PDSS2: variants seen among roughly 807,000 people sequenced by gnomAD.
PDSS2 encodes all trans-polyprenyl-diphosphate synthase PDSS2.
A neutral mutation model predicts 44.5 loss-of-function variants in PDSS2; 31 were observed. The ratio of observed to expected loss-of-function variants is 0.70; its 90% confidence interval spans 0.52 to 0.94. The LOEUF is 0.94. PDSS2 is among the 40% of genes least tolerant of loss of function. The probability of loss-of-function intolerance (pLI) is 0.00; values close to 1 mark genes in which losing one functional copy is unlikely to be tolerated. For synonymous variants in PDSS2, 157 were observed against 180.3 expected (o/e 0.87, Z 1.03); for missense variants, 452 against 482.2 (o/e 0.94, Z 0.59).
At chr6:107,225,137 T>TATATATATATATATATA in intron 4 of PDSS2, among the ~76,000 whole-genome samples, 1 of 62,392 alleles carries the variant, frequency 1.6e-5, no homozygotes, top group African/African-American at 9.6e-5. Flanking sequence ...ATATATATTT[T>TATATATATATATATATA]TATATATATA....
At chr6:107,161,435 G>T (rs1475707646) in intron 7 of PDSS2, among the ~76,000 whole-genome samples, 1 of 149,338 alleles carries the variant, frequency 6.7e-6, no homozygotes, top group Non-Finnish European at 1.5e-5. Context: ...AGCCGAGATT[G>T]TGCCACTGCA....
intron 3 of PDSS2, among the ~76,000 whole-genome samples, chr6:107,262,964 A>C (rs1775292522): frequency 6.6e-6 from 1 of 152,078 alleles, no homozygotes. Flanking sequence ...TAATTAAAAA[A>C]ATAAAAAAGG....
intron 3 of PDSS2, among the ~76,000 whole-genome samples, chr6:107,253,279 C>T (rs143758177): frequency 0.014 from 2,134 of 152,196 alleles, 53 homozygotes; most frequent in African/African-American, 0.049. Flanking sequence ...TCTCATGATC[C>T]GCCCGCCTCG....
intron 1 of PDSS2, among the ~76,000 whole-genome samples, chr6:107,449,023 G>C (rs1225330171): frequency 6.6e-6 from 1 of 152,200 alleles, no homozygotes; most frequent in Non-Finnish European, 1.5e-5. Flanking sequence ...TACAATTCAA[G>C]AGGAGATTTG....
rs1582953677 is a variant in PDSS2, at chr6:107,333,913, A to G, written c.431+285T>C. ...GCACAGAGGTCTCTACAGAGACACA[A>G]CAATACATAATAAGGGGAGGGAGAA... On this transcript the variant is annotated intron_variant, in intron 2 of 7. Coordinates refer to ENST00000369037, the MANE Select transcript of PDSS2 (RefSeq NM_020381.4). Among the ~76,000 whole-genome samples the G allele has an allele frequency of 2.0e-5, 3 of 152,278 alleles. No individual in the cohort carries two copies. The East Asian group carries it at 5.8e-4, about 29-fold the overall frequency.
intron 1 of PDSS2, among the ~76,000 whole-genome samples, chr6:107,396,611 G>A (rs1779947397): frequency 6.6e-6 from 1 of 150,784 alleles, no homozygotes; most frequent in African/African-American, 2.4e-5. Context: ...TAAAATAACT[G>A]TAGAGACTAC....
At chr6:107,335,964 T>C (rs1777873865) in intron 1 of PDSS2, among the ~76,000 whole-genome samples, 1 of 128,948 alleles carries the variant, frequency 7.8e-6, no homozygotes, top group Non-Finnish European at 1.6e-5. Flanking sequence ...AATTAGTCCA[T>C]TACTTAAGAA....
chr6:107,354,026 C>T (rs563866834), intron 1 of PDSS2, among the ~76,000 whole-genome samples: 13 of 152,206 alleles, frequency 8.5e-5, no homozygotes, highest in South Asian at 8.3e-4. Flanking sequence ...AAACTACTAT[C>T]GTACTGTATT....
chr6:107,195,902 G>T (rs1031354478), intron 6 of PDSS2, among the ~76,000 whole-genome samples: 3 of 152,116 alleles, frequency 2.0e-5, no homozygotes, highest in Non-Finnish European at 2.9e-5. Context: ...ATAAAACACT[G>T]TTCATGCACA....
chr6:107,255,097 C>T (rs1039018740), intron 3 of PDSS2, among the ~76,000 whole-genome samples: 2 of 151,964 alleles, frequency 1.3e-5, no homozygotes, highest in Non-Finnish European at 2.9e-5. Flanking sequence ...TCTCGAACTC[C>T]TGACTTTGTA....
At chr6:107,389,639 T>G (rs1051044649) in intron 1 of PDSS2, among the ~76,000 whole-genome samples, 2 of 152,166 alleles carry the variant, frequency 1.3e-5, no homozygotes, top group African/African-American at 4.8e-5. Flanking sequence ...CAATATGAAT[T>G]CATGTTTAAC....
chr6:107,359,527 G>A (rs1183914927), intron 1 of PDSS2, among the ~76,000 whole-genome samples: 2 of 151,618 alleles, frequency 1.3e-5, no homozygotes, highest in African/African-American at 4.8e-5. Context: ...GGAAGGCTGA[G>A]GCATGAGAAT....
intron 3 of PDSS2, among the ~76,000 whole-genome samples, chr6:107,252,465 C>T (rs1037117683): frequency 2.0e-5 from 3 of 151,970 alleles, no homozygotes; most frequent in East Asian, 3.9e-4. Flanking sequence ...AAGGGGGTAG[C>T]GAAGAGAGAG....
chr6:107,290,547 C>A (rs1776309684), intron 2 of PDSS2, among the ~76,000 whole-genome samples: 1 of 152,280 alleles, frequency 6.6e-6, no homozygotes, highest in Admixed American at 6.5e-5. Flanking sequence ...TCTCTGACTT[C>A]ATTCCCTTTG....
rs1554262539 is a variant in PDSS2 at position 107,286,136 on chromosome 6, T to TAAAAAAAAAAAA, written c.432-11921_432-11910dup. ...CAAGGAGCAAAACTTCGTCGCAAAA[T>TAAAAAAAAAAAA]AAAAAAAAAAAAAAGGAAAGAAAAG... On this transcript the variant is annotated intron_variant, in intron 2 of 7. Coordinates refer to ENST00000369037, the MANE Select transcript of PDSS2 (RefSeq NM_020381.4). 6.1e-3 allele frequency among the ~76,000 whole-genome samples: 780 copies of TAAAAAAAAAAAA among 128,472 alleles called. 49 individuals carry two copies. The East Asian group carries it at 0.11, about 18-fold the overall frequency. The allele number at this position is 128,472 out of a possible 152,430, so 84.3% of individuals were successfully genotyped here.
intron 1 of PDSS2, among the ~76,000 whole-genome samples, chr6:107,345,991 C>T (rs947259911): frequency 8.5e-5 from 13 of 152,164 alleles, no homozygotes; most frequent in Non-Finnish European, 1.5e-4. Context: ...ATGTGCCACC[C>T]AATTAACATT....
At position 107,226,826 on chromosome 6, in the gene PDSS2, T is replaced by C. The variant is rs536631220; in HGVS notation, c.703-14544A>G. The stretch of plus-strand genomic sequence containing the variant: ...CTGGGATTACAGGTGTGTGCCACCA[T>C]GCCTAGCTAATTTTTTCTGTATTTT... On this transcript the variant is annotated intron_variant, in intron 4 of 7. Transcript: ENST00000369037. 1.0e-4 allele frequency among the ~76,000 whole-genome samples: 14 copies of C among 136,288 alleles called. No homozygotes were observed. In the South Asian group the frequency reaches 3.1e-3, roughly 30 times the overall value. 89.4% of individuals were successfully genotyped at this position (136,288 alleles called of 152,430 possible).
intron 1 of PDSS2, among the ~76,000 whole-genome samples, chr6:107,362,187 CAG>C (rs1778801013): frequency 6.6e-6 from 1 of 152,128 alleles, no homozygotes; most frequent in South Asian, 2.1e-4. Context: ...TGCATTGCCA[CAG>C]AGACCAGAGA....
chr6:107,282,891 AT>A lies in PDSS2; in HGVS notation c.432-8665del, dbSNP rs909666228. ...CTCAAAAAAAAAAAAAAAAAGAAGA[AT>A]TTTTTTTTTTTGTAGAGACAGGGGT... On this transcript the variant is annotated intron_variant, in intron 2 of 7. Coordinates refer to ENST00000369037, the MANE Select transcript of PDSS2 (RefSeq NM_020381.4). Among the ~76,000 whole-genome samples, 1,515 of 143,358 alleles carry A rather than the reference AT, an allele frequency of 0.011. 88 individuals carry two copies. The East Asian group carries it at 0.17, about 16-fold the overall frequency. 94.0% of individuals were successfully genotyped at this position (143,358 alleles called of 152,430 possible).
Sources: allele counts gnomAD v4.1 joint callset (sites outside exome capture counted in the v4.1 genomes callset), GRCh38; gene constraint gnomAD v4.1.1; transcripts MANE v1.5; gene names NCBI Gene and HGNC (gene_info 2026-07-23, HGNC 2026-07-21).